The following NINL variants were observed in gnomAD, a reference collection of about 807,000 sequenced individuals.
The protein encoded by NINL is ninein-like protein.
NINL carries 153 observed loss-of-function variants against 160.3 expected under a neutral mutation model. That is an observed-to-expected ratio of 0.95 (90% CI 0.84 to 1.09). The LOEUF is 1.09. Ranked by LOEUF, NINL falls within the 50% of genes least tolerant of loss-of-function variation. The pLI is 0.00. For missense variants in NINL, 1,829 were observed against 1,764.0 expected, an observed-to-expected ratio of 1.04 and a Z score of -0.66; for synonymous variants, 800 against 734.8, an observed-to-expected ratio of 1.09 and a Z score of -1.43.
chr20:25,507,306 CTG>C (rs1217441332), intron 5 of NINL, among the ~76,000 whole-genome samples: 2 of 152,056 alleles, frequency 1.3e-5, no homozygotes, highest in African/African-American at 2.4e-5. Flanking sequence ...TCAGGAGGCA[CTG>C]GTGTCTTTAG....
intron 1 of NINL, among the ~76,000 whole-genome samples, chr20:25,555,847 G>C (rs1367235107): frequency 6.6e-6 from 1 of 152,072 alleles, no homozygotes; most frequent in Non-Finnish European, 1.5e-5. Context: ...GGTAATTTTT[G>C]TATTTTTAGT....
intron 3 of NINL, among the ~76,000 whole-genome samples, chr20:25,515,927 T>C (rs2064152394): frequency 1.3e-5 from 2 of 152,060 alleles, no homozygotes; most frequent in Non-Finnish European, 1.5e-5. Context: ...ACTGCCACCA[T>C]GCCCGGCTAA....
chr20:25,540,125 C>T lies in NINL; in HGVS notation c.-11-13527G>A, dbSNP rs745779629. On this transcript the variant is annotated intron_variant, in intron 1 of 23. Transcript: ENST00000278886. ...ATAAAATGTTTGCATGTCAAAATCA[C>T]CAGAAAATCTGGCCAGCATTCAGCA... 3.4e-5 allele frequency: 36 copies of T among 1,066,044 alleles called. 1 individual carries two copies. Among genetic ancestry groups the T allele is most frequent in the Non-Finnish European group, 4.2e-5 (33 of 785,080 alleles). 66.0% of individuals were successfully genotyped at this position (1,066,044 alleles called of 1,614,324 possible).
intron 1 of NINL, among the ~76,000 whole-genome samples, chr20:25,532,948 A>C (rs748681548): frequency 5.9e-5 from 9 of 152,072 alleles, no homozygotes; most frequent in Non-Finnish European, 1.2e-4. Context: ...GCAGTTGGAA[A>C]CCCTGGCCAG....
intron 2 of NINL, among the ~76,000 whole-genome samples, chr20:25,520,031 T>G (rs1420124228): frequency 2.6e-5 from 2 of 77,080 alleles, no homozygotes; most frequent in Admixed American, 3.0e-4. Flanking sequence ...CCAGAGAGTA[T>G]GTATTGTGTA....
chr20:25,507,438 G>A (rs1475122979), intron 5 of NINL, among the ~76,000 whole-genome samples: 1 of 152,134 alleles, frequency 6.6e-6, no homozygotes, highest in East Asian at 1.9e-4. Context: ...CAGACACTGG[G>A]TGTCCAGCAG....
At chr20:25,484,726 A>AGC (rs2063473843) in intron 13 of NINL, among the ~76,000 whole-genome samples, 1 of 152,226 alleles carries the variant, frequency 6.6e-6, no homozygotes, top group Non-Finnish European at 1.5e-5. Context: ...AGGGGCTGCT[A>AGC]AGCAGGAAAA....
intron 13 of NINL, among the ~76,000 whole-genome samples, chr20:25,488,695 T>C (rs1464545422): frequency 6.6e-6 from 1 of 152,070 alleles, no homozygotes; most frequent in East Asian, 1.9e-4. Flanking sequence ...CTAGTTTTTA[T>C]TTCTTTTGGA....
At chr20:25,537,992 G>A (rs879397745) in intron 1 of NINL, among the ~76,000 whole-genome samples, 12 of 152,120 alleles carry the variant, frequency 7.9e-5, no homozygotes, top group Non-Finnish European at 1.3e-4. Context: ...CGGTATCCAC[G>A]GGACCAACAC....
chr20:25,477,158 G>T, intron 16 of NINL, 69 bp from the exon 17 acceptor site: 2 of 1,415,804 alleles, frequency 1.4e-6, no homozygotes, highest in South Asian at 1.4e-5. Flanking sequence ...TTTGAAGTCT[G>T]CCCAGCTGTT....
At chr20:25,569,280 A>G (rs866260221) in intron 1 of NINL, among the ~76,000 whole-genome samples, 9 of 152,028 alleles carry the variant, frequency 5.9e-5, no homozygotes, top group Admixed American at 1.3e-4. Flanking sequence ...TTAAATTAGT[A>G]ATAGAAAGAT....
intron 1 of NINL, among the ~76,000 whole-genome samples, chr20:25,555,661 T>C (rs1371454143): frequency 6.6e-6 from 1 of 151,474 alleles, no homozygotes; most frequent in Non-Finnish European, 1.5e-5. Flanking sequence ...AGTCCAGGAG[T>C]TTGAGACTAG....
At position 25,458,713 on chromosome 20, in the gene NINL, T is replaced by C. The variant is rs2090758644; in HGVS notation, c.3697-184A>G. ...TGGAATTCGGACAGCCAGGCTGCTG[T>C]CAGCCAGCGCTTCCACACAGTGCTA... On this transcript the variant is annotated intron_variant, in intron 21 of 23. Transcript: ENST00000278886. 3 of 644,970 alleles carry C rather than the reference T, an allele frequency of 4.7e-6. No individual in the cohort carries two copies. In the East Asian group the frequency reaches 8.3e-5, roughly 18 times the overall value. 40.0% of individuals were successfully genotyped at this position (644,970 alleles called of 1,614,324 possible).
chr20:25,568,287 T>C (rs1210371501), intron 1 of NINL, among the ~76,000 whole-genome samples: 1 of 152,062 alleles, frequency 6.6e-6, no homozygotes, highest in East Asian at 1.9e-4. Context: ...ATTGTATCTT[T>C]ACAGATTCTG....
rs766379683 is a variant in NINL at position 25,526,530 on chromosome 20, C to T, written c.58G>A (p.Asp20Asn). The change falls in exon 2 of 24, where the codon GAC becomes AAC. Residue 20 changes from aspartate (D) to asparagine (N), a missense_variant. Physicochemically the swap from Asp to Asn is conservative, Grantham distance 23. Transcript: ENST00000278886. ...SQLREVYSSC[D>N]TTGTGFLDRQ... ...TCCAGAAAGCCAGTCCCCGTGGTGTCGCAGCTGCTGTAGACTTCCCTGAGC... is the reference window on the plus strand; with the variant it reads ...TCCAGAAAGCCAGTCCCCGTGGTGTTGCAGCTGCTGTAGACTTCCCTGAGC... 8.2e-5 allele frequency: 132 copies of T among 1,614,096 alleles called. No homozygotes were observed. The highest frequency in any genetic ancestry group is 2.9e-4 in the South Asian group (26 of 91,090).
intron 5 of NINL, among the ~76,000 whole-genome samples, chr20:25,507,521 T>A (rs996593576): frequency 1.3e-5 from 2 of 152,184 alleles, no homozygotes; most frequent in African/African-American, 4.8e-5. Flanking sequence ...GCCAGACATG[T>A]TCCTCTATGC....
chr20:25,564,991 G>A (rs1211941893), intron 1 of NINL, among the ~76,000 whole-genome samples: 1 of 152,146 alleles, frequency 6.6e-6, no homozygotes, highest in African/African-American at 2.4e-5. Context: ...ATTGCTGGAA[G>A]CTGATTATAG....
intron 1 of NINL, among the ~76,000 whole-genome samples, chr20:25,554,271 G>A (rs1243269192): frequency 6.6e-6 from 1 of 152,292 alleles, no homozygotes; most frequent in African/African-American, 2.4e-5. Flanking sequence ...TGGGAACCAA[G>A]GCCCAAAGAC....
At chr20:25,584,606 A>T (rs1257520127) in intron 1 of NINL, among the ~76,000 whole-genome samples, 1 of 152,190 alleles carries the variant, frequency 6.6e-6, no homozygotes. Flanking sequence ...CTTACTACTG[A>T]CCTTGAAAAT....
Sources: allele counts gnomAD v4.1 joint callset (sites outside exome capture counted in the v4.1 genomes callset), GRCh38; gene constraint gnomAD v4.1.1; transcripts MANE v1.5; gene names NCBI Gene and HGNC (gene_info 2026-07-23, HGNC 2026-07-21).